Variants in FKTN observed in about 807,000 individuals in gnomAD.
FKTN encodes fukutin.
In FKTN, 47 loss-of-function variants were observed where a neutral mutation model predicts 58.6. That is an observed-to-expected ratio of 0.80 (90% CI 0.63 to 1.02). The LOEUF (loss-of-function observed/expected upper bound fraction) is 1.02, where lower values mean the gene tolerates loss of function less well. Ranked by LOEUF, FKTN falls within the 50% of genes least tolerant of loss-of-function variation. The probability of loss-of-function intolerance (pLI) is 0.00; values close to 1 mark genes in which losing one functional copy is unlikely to be tolerated. For missense variants in FKTN, 516 were observed against 537.3 expected (o/e 0.96, Z 0.39); for synonymous variants, 178 against 191.9 (o/e 0.93, Z 0.60).
chr9:105,627,402 T>C (rs1039748407), intron 10 of FKTN, among the ~76,000 whole-genome samples: 2 of 152,214 alleles, frequency 1.3e-5, no homozygotes, highest in Non-Finnish European at 2.9e-5. Context: ...AATGAAGCTA[T>C]TCCTCTTGTA....
At chr9:105,622,832 T>A (rs1180048407) in intron 10 of FKTN, among the ~76,000 whole-genome samples, 1 of 152,080 alleles carries the variant, frequency 6.6e-6, no homozygotes, top group Non-Finnish European at 1.5e-5. Flanking sequence ...GTTATTATAA[T>A]TACCATGCTG....
In FKTN at chr9:105,636,771, A is replaced by C; in HGVS notation, c.*1507A>C. On this transcript the variant is annotated 3_prime_UTR_variant, in exon 11 of 11. Coordinates refer to ENST00000357998, the MANE Select transcript of FKTN (RefSeq NM_001079802.2). ...GACACCAGAGAACAATAGTAGTCTCAAGAATGGAAACCTGAATGTCTGAGG... is the reference window on the plus strand; with the variant it reads ...GACACCAGAGAACAATAGTAGTCTCCAGAATGGAAACCTGAATGTCTGAGG... 1 of 1,282,754 alleles carries C rather than the reference A, an allele frequency of 7.8e-7. No homozygotes were observed. The highest frequency in any genetic ancestry group is 1.3e-5 in the South Asian group (1 of 77,824). The allele number at this position is 1,282,754 out of a possible 1,614,324, so 79.5% of individuals were successfully genotyped here.
intron 3 of FKTN, among the ~76,000 whole-genome samples, chr9:105,586,329 CT>C (rs1325869898): frequency 2.0e-5 from 3 of 152,168 alleles, no homozygotes; most frequent in East Asian, 3.8e-4. Flanking sequence ...ATACAAACTC[CT>C]TTAGTGTAGT....
chr9:105,635,422 T>C lies in FKTN; in HGVS notation c.*158T>C. 6.8e-7 allele frequency: 1 copy of C among 1,474,662 alleles called. No homozygotes were observed. The highest frequency in any genetic ancestry group is 8.9e-7 in the Non-Finnish European group (1 of 1,119,648). The allele number at this position is 1,474,662 out of a possible 1,614,324, so 91.3% of individuals were successfully genotyped here. A position where few individuals can be genotyped will look rare whatever the true frequency, so the allele number is the denominator to read the frequency against. ...AGTCATCTGATGTAATTCTCTCACTTAGTACTGAGGAATTTTCATGTGCCA... is the reference window on the plus strand; with the variant it reads ...AGTCATCTGATGTAATTCTCTCACTCAGTACTGAGGAATTTTCATGTGCCA... On this transcript the variant is annotated 3_prime_UTR_variant, in exon 11 of 11. Transcript: ENST00000357998.
rs1245883605 is a variant in FKTN at position 105,608,106 on chromosome 9, T to G, written c.780+155T>G. Among the ~76,000 whole-genome samples the G allele has an allele frequency of 3.9e-5, 6 of 152,034 alleles. No homozygotes were observed. The East Asian group carries it at 1.2e-3, about 29-fold the overall frequency. The stretch of plus-strand genomic sequence containing the variant: ...TTTCTTCTAGATTGTTTTCTTTCAG[T>G]TTTTTTTAGAAGTAGATTAAAAATT... On this transcript the variant is annotated intron_variant, in intron 7 of 10. Coordinates refer to ENST00000357998, the MANE Select transcript of FKTN (RefSeq NM_001079802.2).
Position 105,639,899 on chromosome 9 carries a change from T to C in FKTN, c.*4635T>C. On this transcript the variant is annotated 3_prime_UTR_variant, in exon 11 of 11. Coordinates refer to ENST00000357998, the MANE Select transcript of FKTN (RefSeq NM_001079802.2). ...CCCCTGGACTTCTTTTTCAATATTCTAGCCTTTCCTAGATGTAAATCTTTA... is the reference window on the plus strand; with the variant it reads ...CCCCTGGACTTCTTTTTCAATATTCCAGCCTTTCCTAGATGTAAATCTTTA... 3 of 1,425,148 alleles carry C rather than the reference T, an allele frequency of 2.1e-6. No individual in the cohort carries two copies. Among genetic ancestry groups the C allele is most frequent in the Non-Finnish European group, 1.8e-6 (2 of 1,095,112 alleles). 88.3% of individuals were successfully genotyped at this position (1,425,148 alleles called of 1,614,324 possible). A position where few individuals can be genotyped will look rare whatever the true frequency, so the allele number is the denominator to read the frequency against.
intron 9 of FKTN, among the ~76,000 whole-genome samples, chr9:105,618,627 G>C (rs1001693505): frequency 6.6e-6 from 1 of 152,074 alleles, no homozygotes; most frequent in Non-Finnish European, 1.5e-5. Context: ...AGTTTGCTCA[G>C]ACATCAACTA....
chr9:105,577,309 G>A (rs374337058), intron 3 of FKTN, among the ~76,000 whole-genome samples: 3 of 128,854 alleles, frequency 2.3e-5, no homozygotes, highest in East Asian at 4.3e-4. Context: ...TAGGTCTAAC[G>A]TTTAAATCTT....
chr9:105,638,194 G>A lies in FKTN; in HGVS notation c.*2930G>A, dbSNP rs1834176394. ...TGACTCCTAGTCCAATGTCTGTTTC[G>A]CATCACAACACAGTATCTTTAACAG... is the stretch of plus-strand genomic sequence containing the variant. On this transcript the variant is annotated 3_prime_UTR_variant, in exon 11 of 11. Transcript: ENST00000357998. 6.1e-6 allele frequency: 6 copies of A among 985,222 alleles called. No homozygotes were observed. The highest frequency in any genetic ancestry group is 7.2e-6 in the Non-Finnish European group (6 of 829,928). The allele number at this position is 985,222 out of a possible 1,614,324, so 61.0% of individuals were successfully genotyped here. A position where few individuals can be genotyped will look rare whatever the true frequency, so the allele number is the denominator to read the frequency against.
chr9:105,563,761 C>T lies in FKTN; in HGVS notation c.-181+5596C>T, dbSNP rs146569316. 1.2e-3 allele frequency among the ~76,000 whole-genome samples: 181 copies of T among 152,340 alleles called. 2 individuals carry two copies. Among genetic ancestry groups the T allele is most frequent in the African/African-American group, 4.3e-3 (178 of 41,592 alleles). ...GCCAAACAAAAGGCAGCAGAAACCTCTGCAGACTTAAATGTTCCTGTCTGA... is the reference window on the plus strand; with the variant it reads ...GCCAAACAAAAGGCAGCAGAAACCTTTGCAGACTTAAATGTTCCTGTCTGA... On this transcript the variant is annotated intron_variant, in intron 1 of 10. Transcript: ENST00000357998.
intron 3 of FKTN, among the ~76,000 whole-genome samples, chr9:105,591,526 C>G (rs538276053): frequency 1.3e-5 from 2 of 152,180 alleles, no homozygotes; most frequent in Non-Finnish European, 2.9e-5. Flanking sequence ...CCAGGGCACA[C>G]GGGGGTGGGC....
rs532620356 is a variant in FKTN at position 105,578,947 on chromosome 9, T to C, written c.105+3810T>C. Among the ~76,000 whole-genome samples, 1,207 of 152,066 alleles carry C rather than the reference T, an allele frequency of 7.9e-3. 10 individuals are homozygous for C. The highest frequency in any genetic ancestry group is 0.02 in the Middle Eastern group (6 of 294). On this transcript the variant is annotated intron_variant, in intron 3 of 10. Coordinates refer to ENST00000357998, the MANE Select transcript of FKTN (RefSeq NM_001079802.2). ...TATCCATTTCTTCTAGATTTTCTAG[T>C]TTATTTGTGTAGAGGTGTTTATTCT...
chr9:105,597,142 T>G (rs1223180945), intron 4 of FKTN, among the ~76,000 whole-genome samples: 1 of 152,188 alleles, frequency 6.6e-6, no homozygotes, highest in East Asian at 1.9e-4. Flanking sequence ...TACACATTGA[T>G]AAAATATATT....
chr9:105,637,645 T>C lies in FKTN; in HGVS notation c.*2381T>C. 1.0e-6 allele frequency: 1 copy of C among 985,402 alleles called. No individual in the cohort carries two copies. Among genetic ancestry groups the C allele is most frequent in the Non-Finnish European group, 1.2e-6 (1 of 829,906 alleles). 61.0% of individuals were successfully genotyped at this position (985,402 alleles called of 1,614,324 possible). The stretch of plus-strand genomic sequence containing the variant: ...CATCACTTGAGTATTCTAGCAGTCA[T>C]TCTCCTAATCTGACCACTTTCAGGT... On this transcript the variant is annotated 3_prime_UTR_variant, in exon 11 of 11. Transcript: ENST00000357998.
intron 7 of FKTN, among the ~76,000 whole-genome samples, chr9:105,614,782 A>G (rs1003545664): frequency 6.6e-6 from 1 of 151,994 alleles, no homozygotes; most frequent in African/African-American, 2.4e-5. Context: ...TCTGCTCTTA[A>G]GTGTTCATTT....
chr9:105,603,161 C>T (rs540880594), intron 5 of FKTN, among the ~76,000 whole-genome samples: 1 of 152,206 alleles, frequency 6.6e-6, no homozygotes, highest in South Asian at 2.1e-4. Flanking sequence ...TCAGTCTTTC[C>T]TCCTATAACC....
At chr9:105,633,227 TTA>T (rs1366499415) in intron 10 of FKTN, 1 of 152,210 alleles carries the variant, frequency 6.6e-6, no homozygotes, top group African/African-American at 2.4e-5. Context: ...TTCACATTAT[TTA>T]TATATTTAAA....
chr9:105,588,344 G>T (rs1036743166), intron 3 of FKTN, among the ~76,000 whole-genome samples: 1 of 152,146 alleles, frequency 6.6e-6, no homozygotes. Flanking sequence ...ATATCCCATA[G>T]GCAGTGTGTC....
intron 8 of FKTN, 39 bp downstream of exon 8, chr9:105,615,446 T>G: frequency 6.2e-7 from 1 of 1,608,010 alleles, no homozygotes; most frequent in Non-Finnish European, 8.5e-7. Flanking sequence ...TTTCTGTCAT[T>G]TTGTCCTCTG....
Sources: allele counts gnomAD v4.1 joint callset (sites outside exome capture counted in the v4.1 genomes callset), GRCh38; gene constraint gnomAD v4.1.1; transcripts MANE v1.5; gene names NCBI Gene and HGNC (gene_info 2026-07-23, HGNC 2026-07-21).